Variants in NFU1 observed in about 807,000 individuals in gnomAD.
The protein encoded by NFU1 is NFU1 iron-sulfur cluster scaffold.
A neutral mutation model predicts 32.2 loss-of-function variants in NFU1; 30 were observed. That is an observed-to-expected ratio of 0.93 (90% CI 0.70 to 1.26). The LOEUF is 1.26. Among genes scored for constraint, NFU1 ranks in the 50% most tolerant of loss-of-function variants. The pLI, the probability that NFU1 is intolerant of heterozygous loss-of-function variation, is 0.00. For missense variants in NFU1, 306 were observed against 306.6 expected (o/e 1.00, Z 0.02); for synonymous variants, 112 against 104.6 (o/e 1.07, Z -0.43).
rs772601296 is a variant in NFU1 at position 69,433,483 on chromosome 2, C to CT, written c.63-1479dup. ...GCATGAGACACCACACCTGGCCCGT[C>CT]TTTTTTTTTTGAGACTGAGTCTCAC... On this transcript the variant is annotated intron_variant, in intron 1 of 7. Coordinates refer to ENST00000410022, the MANE Select transcript of NFU1 (RefSeq NM_001002755.4). 5.6e-4 allele frequency among the ~76,000 whole-genome samples: 81 copies of CT among 145,416 alleles called. No individual in the cohort carries two copies. The East Asian group carries it at 5.9e-3, about 11-fold the overall frequency.
chr2:69,439,222 T>C (rs1427429257), upstream of NFU1, among the ~76,000 whole-genome samples: 1 of 152,172 alleles, frequency 6.6e-6, no homozygotes, highest in Non-Finnish European at 1.5e-5. Flanking sequence ...GGGCCTGCTC[T>C]AGTCAAACCA....
At chr2:69,403,169 C>T (rs1014703944) in intron 6 of NFU1, among the ~76,000 whole-genome samples, 3 of 152,082 alleles carry the variant, frequency 2.0e-5, no homozygotes, top group Non-Finnish European at 2.9e-5. Flanking sequence ...AGGCATTAGC[C>T]GCCATGCCTG....
rs115205294 is a variant in NFU1, at chr2:69,414,994, G to A, written c.484+191C>T. On this transcript the variant is annotated intron_variant, in intron 5 of 7. Coordinates refer to ENST00000410022, the MANE Select transcript of NFU1 (RefSeq NM_001002755.4). ...TGCATGTTTGAAAATTTTTATAATT[G>A]AAAATTTTTGTTTTATAGAGTAATG... 9.3e-3 allele frequency among the ~76,000 whole-genome samples: 1,409 copies of A among 152,092 alleles called. 23 individuals carry two copies. The highest frequency in any genetic ancestry group is 0.033 in the African/African-American group (1,356 of 41,526).
chr2:69,431,798 T>TA (rs1233752462), intron 2 of NFU1, 104 bp downstream of exon 2: 6 of 785,970 alleles, frequency 7.6e-6, no homozygotes, highest in Non-Finnish European at 1.3e-5. Context: ...TATAGGCTTC[T>TA]AAATAGAAAA....
intron 1 of NFU1, among the ~76,000 whole-genome samples, chr2:69,436,095 T>C (rs965289882): frequency 6.6e-6 from 1 of 152,118 alleles, no homozygotes; most frequent in African/African-American, 2.4e-5. Flanking sequence ...TGTCATTATT[T>C]GTTAATATAT....
chr2:69,400,303 G>C, intron 7 of NFU1, 61 bp downstream of exon 7: 2 of 1,425,790 alleles, frequency 1.4e-6, no homozygotes, highest in South Asian at 1.2e-5. Flanking sequence ...TCCAGCCTTT[G>C]TATCTACAAA....
chr2:69,403,433 T>C (rs1326008271), intron 6 of NFU1, among the ~76,000 whole-genome samples: 1 of 151,860 alleles, frequency 6.6e-6, no homozygotes, highest in African/African-American at 2.4e-5. Context: ...TTCTATCTCC[T>C]TGACCAGAGT....
intron 5 of NFU1, among the ~76,000 whole-genome samples, chr2:69,412,598 G>A (rs1355326301): frequency 6.6e-6 from 1 of 151,986 alleles, no homozygotes; most frequent in Non-Finnish European, 1.5e-5. Flanking sequence ...TGTTGGTCAG[G>A]CTGGTCTCGA....
At chr2:69,406,195 T>C (rs752989642) in intron 5 of NFU1, 113 bp from the exon 6 acceptor site, 10 of 680,240 alleles carry the variant, frequency 1.5e-5, no homozygotes, top group South Asian at 8.4e-5. Context: ...CATAAAACTA[T>C]AGAAAGAACA....
At chr2:69,428,083 A>G (rs1290270384) in intron 2 of NFU1, among the ~76,000 whole-genome samples, 1 of 152,132 alleles carries the variant, frequency 6.6e-6, no homozygotes, top group Non-Finnish European at 1.5e-5. Context: ...TCCATCTTAC[A>G]GCAGTATATT....
chr2:69,403,881 C>T (rs1041141171), intron 6 of NFU1, among the ~76,000 whole-genome samples: 5 of 151,414 alleles, frequency 3.3e-5, no homozygotes, highest in African/African-American at 9.7e-5. Context: ...CTCTGTCGCC[C>T]AGGCTGGAGT....
At chr2:69,418,851 G>T (rs1202735713) in intron 4 of NFU1, among the ~76,000 whole-genome samples, 1 of 151,960 alleles carries the variant, frequency 6.6e-6, no homozygotes, top group Non-Finnish European at 1.5e-5. Context: ...AAATATTTTT[G>T]ATTTTCACAC....
intron 6 of NFU1, among the ~76,000 whole-genome samples, chr2:69,405,229 C>T (rs1049658897): frequency 1.3e-5 from 2 of 152,140 alleles, no homozygotes; most frequent in Non-Finnish European, 2.9e-5. Flanking sequence ...CAGAGCAAGA[C>T]TCCGTCTTAA....
chr2:69,433,176 G>A (rs1201986144), intron 1 of NFU1, among the ~76,000 whole-genome samples: 6 of 143,828 alleles, frequency 4.2e-5, no homozygotes, highest in South Asian at 2.3e-4. Flanking sequence ...AAAAGTATAC[G>A]ACTGTCCTTT....
At chr2:69,439,416 C>T (rs558821476), upstream of NFU1, among the ~76,000 whole-genome samples, 16 of 152,316 alleles carry the variant, frequency 1.1e-4, no homozygotes, top group Non-Finnish European at 2.2e-4. Flanking sequence ...CGTGGTCTCA[C>T]TGACTTCAGG....
Position 69,415,293 on chromosome 2 carries a change from CA to C in NFU1, c.375del (p.Asn125LysfsTer4). 1 of 1,581,772 alleles carries C rather than the reference CA, an allele frequency of 6.3e-7. No homozygotes were observed. The highest frequency in any genetic ancestry group is 1.8e-4 in the Middle Eastern group (1 of 5,622). ...GPDFITVTKE[N>X]EELDWNLLKP... ...TTCAGTAAATTCCAGTCTAATTCTT[CA>C]TTTTCCTATAAACATTTAAAGGAAA... is the stretch of plus-strand genomic sequence containing the variant. On this transcript the variant is annotated frameshift_variant, in exon 5 of 8. Coordinates refer to ENST00000410022, the MANE Select transcript of NFU1 (RefSeq NM_001002755.4). LOFTEE classifies it high-confidence loss of function.
At chr2:69,427,871 A>G (rs1025387270) in intron 2 of NFU1, among the ~76,000 whole-genome samples, 3 of 151,260 alleles carry the variant, frequency 2.0e-5, no homozygotes, top group African/African-American at 4.9e-5. Context: ...AAAAATACAA[A>G]AATTAGCCAG....
At chr2:69,409,446 A>G (rs1255060590) in intron 5 of NFU1, among the ~76,000 whole-genome samples, 1 of 152,228 alleles carries the variant, frequency 6.6e-6, no homozygotes, top group African/African-American at 2.4e-5. Flanking sequence ...CTCAAGACAT[A>G]TATCTAAAAA....
intron 1 of NFU1, among the ~76,000 whole-genome samples, chr2:69,436,956 G>A (rs1166274142): frequency 6.6e-6 from 1 of 152,210 alleles, no homozygotes; most frequent in East Asian, 1.9e-4. Context: ...ACGAGACAAG[G>A]TATTTTCTTC....
Sources: allele counts gnomAD v4.1 joint callset (sites outside exome capture counted in the v4.1 genomes callset), GRCh38; gene constraint gnomAD v4.1.1; transcripts MANE v1.5; gene names NCBI Gene and HGNC (gene_info 2026-07-23, HGNC 2026-07-21).